Variants in STAG1 observed in about 807,000 individuals in gnomAD.
STAG1 encodes STAG1 cohesin complex component, also known as cohesin subunit SA-1.
Under a neutral mutation model 170.9 loss-of-function variants are expected in STAG1, and 26 were observed. The ratio of observed to expected loss-of-function variants is 0.15; its 90% confidence interval spans 0.11 to 0.21. STAG1 has a LOEUF of 0.21. STAG1 is among the 10% of genes least tolerant of loss of function. The pLI is 1.00. For synonymous variants in STAG1, 514 were observed against 497.7 expected (o/e 1.03, Z -0.44); for missense variants, 964 against 1,509.5 (o/e 0.64, Z 5.99).
intron 3 of STAG1, among the ~76,000 whole-genome samples, chr3:136,618,960 A>T (rs1375505497): frequency 6.6e-6 from 1 of 152,210 alleles, no homozygotes; most frequent in Non-Finnish European, 1.5e-5. Flanking sequence ...AAAACAGTTC[A>T]AAACTAATAG....
intron 4 of STAG1, among the ~76,000 whole-genome samples, chr3:136,585,164 G>A (rs1320994717): frequency 2.6e-5 from 4 of 152,172 alleles, no homozygotes; most frequent in African/African-American, 9.7e-5. Flanking sequence ...ATTCCAGGCT[G>A]GGAGCACTGG....
rs745651636 is a variant in STAG1, at chr3:136,343,978, G to C, written c.3300C>G (p.Asn1100Lys). ...EDESLDNTWL[N>K]RTDTMIQTPG... Reference sequence around the variant, plus strand: ...GAGTCTGAATCATGGTGTCAGTCCTGTTTAGCCATGTGTTATCCAGACTCT... The same window carrying C: ...GAGTCTGAATCATGGTGTCAGTCCTCTTTAGCCATGTGTTATCCAGACTCT... Residue 1100 changes from asparagine (N) to lysine (K), a missense_variant, in exon 30 of 34, where the codon AAC (asparagine) becomes AAG (lysine). Physicochemically the swap from Asn to Lys is moderately conservative, Grantham distance 94 (BLOSUM62 0). Coordinates refer to ENST00000383202, the MANE Select transcript of STAG1 (RefSeq NM_005862.3). 2 of 1,599,656 alleles carry C rather than the reference G, an allele frequency of 1.3e-6. No homozygotes were observed. The highest frequency in any genetic ancestry group is 8.5e-7 in the Non-Finnish European group (1 of 1,175,206).
intron 25 of STAG1, 117 bp from the exon 26 acceptor site, chr3:136,363,584 G>A: frequency 2.2e-6 from 1 of 461,890 alleles, no homozygotes; most frequent in Non-Finnish European, 3.8e-6. Flanking sequence ...CAGGTTGGTT[G>A]GTAAAAGAAA....
At chr3:136,629,814 A>G (rs746020715) in intron 2 of STAG1, among the ~76,000 whole-genome samples, 2 of 152,248 alleles carry the variant, frequency 1.3e-5, no homozygotes, top group African/African-American at 2.4e-5. Context: ...GAATCAAAGT[A>G]TGCAGATTCC....
intron 1 of STAG1, among the ~76,000 whole-genome samples, chr3:136,712,912 G>A (rs1407580744): frequency 6.6e-6 from 1 of 152,008 alleles, no homozygotes; most frequent in Admixed American, 6.6e-5. Flanking sequence ...CCAACATGGC[G>A]AAACTTCATC....
chr3:136,468,738 T>C (rs2089541694), intron 12 of STAG1, among the ~76,000 whole-genome samples: 1 of 152,142 alleles, frequency 6.6e-6, no homozygotes, highest in Admixed American at 6.6e-5. Flanking sequence ...ATATCCTCAA[T>C]AAAATACTGG....
chr3:136,349,200 T>G lies in STAG1; in HGVS notation c.3229A>C (p.Asn1077His). 1.2e-6 allele frequency: 2 copies of G among 1,614,166 alleles called. No homozygotes were observed. Among genetic ancestry groups the G allele is most frequent in the South Asian group, 2.2e-5 (2 of 91,088 alleles). Residue 1077 changes from asparagine to histidine, a missense_variant, in exon 29 of 34, where the codon AAT becomes CAT. Physicochemically the swap from Asn to His is moderately conservative, Grantham distance 68. Coordinates refer to ENST00000383202, the MANE Select transcript of STAG1 (RefSeq NM_005862.3). ...TGAAGTGGAGGTCGTCCTTTCTTAT[T>G]CCTTACTGATGAGGTTTTGCTGCTG... ...SSSSKTSSVR[N>H]KKGRPPLHKK...
chr3:136,567,000 C>T (rs1486703700), intron 5 of STAG1, among the ~76,000 whole-genome samples: 1 of 152,024 alleles, frequency 6.6e-6, no homozygotes, highest in East Asian at 1.9e-4. Context: ...ACATTCCTAC[C>T]CTATAGGTAT....
chr3:136,514,427 G>A (rs1052542697), intron 7 of STAG1, among the ~76,000 whole-genome samples: 10 of 152,202 alleles, frequency 6.6e-5, no homozygotes, highest in Non-Finnish European at 1.5e-4. Flanking sequence ...TGCTAGAGAG[G>A]ATGTAGAGAC....
chr3:136,514,843 A>T (rs748057847), intron 7 of STAG1, among the ~76,000 whole-genome samples: 1 of 152,032 alleles, frequency 6.6e-6, no homozygotes, highest in Non-Finnish European at 1.5e-5. Flanking sequence ...GTTCTCACTC[A>T]TAGGTGGGAA....
intron 1 of STAG1, among the ~76,000 whole-genome samples, chr3:136,747,504 C>T (rs944514340): frequency 4.6e-5 from 7 of 151,988 alleles, no homozygotes; most frequent in African/African-American, 1.7e-4. Flanking sequence ...GCCTAGGCAA[C>T]ATGGCAAAAT....
intron 1 of STAG1, among the ~76,000 whole-genome samples, chr3:136,710,754 C>G (rs1164763066): frequency 6.6e-6 from 1 of 151,274 alleles, no homozygotes; most frequent in Non-Finnish European, 1.5e-5. Context: ...AGATTAAAAC[C>G]ATAAATGAAA....
chr3:136,468,180 G>C (rs1446568385), intron 12 of STAG1, among the ~76,000 whole-genome samples: 1 of 151,968 alleles, frequency 6.6e-6, no homozygotes, highest in Non-Finnish European at 1.5e-5. Flanking sequence ...AGGAGATAGA[G>C]ACACAAAAAA....
At chr3:136,520,832 A>G (rs1362418263) in intron 7 of STAG1, among the ~76,000 whole-genome samples, 1 of 152,172 alleles carries the variant, frequency 6.6e-6, no homozygotes, top group Non-Finnish European at 1.5e-5. Flanking sequence ...ACTTATCTAT[A>G]ATAATAATGA....
At chr3:136,690,652 T>C (rs1559953593) in intron 1 of STAG1, among the ~76,000 whole-genome samples, 1 of 152,028 alleles carries the variant, frequency 6.6e-6, no homozygotes, top group South Asian at 2.1e-4. Flanking sequence ...GGGTGTCTCA[T>C]CAGAAGGAAG....
In STAG1 at chr3:136,749,188, A is replaced by G. The variant is rs1935103505; in HGVS notation, c.-84+3007T>C. Among the ~76,000 whole-genome samples, 3 of 152,196 alleles carry G rather than the reference A, an allele frequency of 2.0e-5. No individual in the cohort carries two copies. In the South Asian group the frequency reaches 6.2e-4, roughly 31 times the overall value. On this transcript the variant is annotated intron_variant, in intron 1 of 33. Coordinates refer to ENST00000383202, the MANE Select transcript of STAG1 (RefSeq NM_005862.3). ...TTTGCATATGTAATTAAGGCCCTTA[A>G]TCAGTTAAGTTTACCACAAGGGCCT... is the stretch of plus-strand genomic sequence containing the variant.
At chr3:136,548,983 T>C (rs1403755687) in intron 5 of STAG1, among the ~76,000 whole-genome samples, 1 of 152,206 alleles carries the variant, frequency 6.6e-6, no homozygotes, top group Admixed American at 6.5e-5. Context: ...AATTCTGCCA[T>C]GATTGTACGT....
chr3:136,458,922 A>T (rs533854041), intron 13 of STAG1, among the ~76,000 whole-genome samples: 7 of 152,288 alleles, frequency 4.6e-5, no homozygotes, highest in African/African-American at 1.4e-4. Flanking sequence ...AAGAATGATT[A>T]AAAAAAGACA....
intron 12 of STAG1, among the ~76,000 whole-genome samples, chr3:136,465,806 G>A (rs2089438928): frequency 6.6e-6 from 1 of 151,906 alleles, no homozygotes; most frequent in African/African-American, 2.4e-5. Context: ...AACAGCATAA[G>A]GCATTTCAGA....
Sources: allele counts gnomAD v4.1 joint callset (sites outside exome capture counted in the v4.1 genomes callset), GRCh38; gene constraint gnomAD v4.1.1; transcripts MANE v1.5; gene names NCBI Gene and HGNC (gene_info 2026-07-23, HGNC 2026-07-21).